CACNA1H: variants seen among roughly 807,000 people sequenced by gnomAD.
CACNA1H encodes voltage-dependent T-type calcium channel subunit alpha-1H.
A neutral mutation model predicts 192.5 loss-of-function variants in CACNA1H; 149 were observed. The observed-to-expected ratio is 0.77, with a 90% CI of 0.68 to 0.89. The LOEUF (loss-of-function observed/expected upper bound fraction) is 0.89. CACNA1H is among the 40% of genes least tolerant of loss of function. CACNA1H has a pLI of 0.00. For missense variants in CACNA1H, 4,257 were observed against 3,423.5 expected (o/e 1.24, Z -6.08); for synonymous variants, 2,202 against 1,475.2 (o/e 1.49, Z -11.29).
intron 2 of CACNA1H, chr16:1,157,908 G>A (rs1380034047): frequency 6.6e-6 from 1 of 152,182 alleles, no homozygotes; most frequent in Non-Finnish European, 1.5e-5. Flanking sequence ...CCCGACCCAC[G>A]GCCCGGCTTC....
At position 1,153,865 on chromosome 16, in the gene CACNA1H, G is replaced by C; in HGVS notation, c.128G>C (p.Gly43Ala). Residue 43 changes from glycine (G) to alanine (A), a missense_variant, in exon 2 of 35, where the codon GGG becomes GCG. Physicochemically the swap from Gly to Ala is moderately conservative, Grantham distance 60 (BLOSUM62 0). Transcript: ENST00000348261. ...PGAPGREAER[G>A]SELGVSPSES... Reference sequence around the variant, plus strand: ...GCGCCGGGACGCGAGGCGGAGCGGGGGTCCGAGCTCGGCGTGTCACCCTCC... The same window carrying C: ...GCGCCGGGACGCGAGGCGGAGCGGGCGTCCGAGCTCGGCGTGTCACCCTCC... 2 of 1,385,716 alleles carry C rather than the reference G, an allele frequency of 1.4e-6. No homozygotes were observed. The highest frequency in any genetic ancestry group is 1.9e-6 in the Non-Finnish European group (2 of 1,066,718). The allele number at this position is 1,385,716 out of a possible 1,614,324, so 85.8% of individuals were successfully genotyped here. A position where few individuals can be genotyped will look rare whatever the true frequency, so the allele number is the denominator to read the frequency against.
intron 27 of CACNA1H, among the ~76,000 whole-genome samples, chr16:1,214,325 C>G (rs1969814732): frequency 6.6e-6 from 1 of 152,234 alleles, no homozygotes; most frequent in South Asian, 2.1e-4. Flanking sequence ...TCCTCCCAGC[C>G]TTTTAGAAGA....
At chr16:1,206,977 A>G in intron 12 of CACNA1H, 24 bp from the exon 13 acceptor site, 1 of 1,242,618 alleles carries the variant, frequency 8.0e-7, no homozygotes, top group South Asian at 1.3e-5. Flanking sequence ...TCCACCCTCA[A>G]CACGCCCCTG....
Position 1,207,058 on chromosome 16 carries a change from C to T in CACNA1H, c.2847C>T (p.Asp949=), listed in dbSNP as rs767775464. ...TCAGCCTGAAGACAGACACCGGAGA[C>T]ACCGTGCCTGACAGGAAGAACTTCG... is the stretch of plus-strand genomic sequence containing the variant. ...CKFSLKTDTG[D]TVPDRKNFDS... Residue 949 remains aspartate (D), a synonymous_variant, in exon 13 of 35, where the codon GAC becomes GAT. Coordinates refer to ENST00000348261, the MANE Select transcript of CACNA1H (RefSeq NM_021098.3). 3 of 1,603,376 alleles carry T rather than the reference C, an allele frequency of 1.9e-6. No individual in the cohort carries two copies. Among genetic ancestry groups the T allele is most frequent in the Non-Finnish European group, 2.6e-6 (3 of 1,175,088 alleles).
At chr16:1,205,586 A>T (rs1173526499) in intron 11 of CACNA1H, among the ~76,000 whole-genome samples, 1 of 152,224 alleles carries the variant, frequency 6.6e-6, no homozygotes, top group Non-Finnish European at 1.5e-5. Context: ...CTCAGGGCCG[A>T]GCGAGAAAGA....
chr16:1,219,171 T>TC lies in CACNA1H; in HGVS notation c.6048+41_6048+42insC, dbSNP rs1567557145. 14 of 1,478,336 alleles carry TC rather than the reference T, an allele frequency of 9.5e-6. No homozygotes were observed. The Admixed American group carries it at 3.2e-4, about 34-fold the overall frequency. 91.6% of individuals were successfully genotyped at this position (1,478,336 alleles called of 1,614,324 possible). A position where few individuals can be genotyped will look rare whatever the true frequency, so the allele number is the denominator to read the frequency against. On this transcript the variant is annotated intron_variant, in intron 34 of 34. Transcript: ENST00000348261. The stretch of plus-strand genomic sequence containing the variant: ...GGCCTGCAGCAGAGGCTGGCGGGGA[T>TC]GGGGGGCTTGCAGGGATGCCTCGTC...
At position 1,220,237 on chromosome 16, in the gene CACNA1H, G is replaced by A. The variant is rs1308675754; in HGVS notation, c.6305G>A (p.Ser2102Asn). Residue 2102 changes from serine to asparagine, a missense_variant, in exon 35 of 35, where the codon AGC (serine) becomes AAC (asparagine). By Grantham distance (46) the Ser-to-Asn change is conservative. Transcript: ENST00000348261. ...TCGGACCCAGCCGACGAGGAGGTCA[G>A]CCACATCACCAGCTCCGCCTGCCCC... ...EASDPADEEVSHITSSACPWQ... is the reference protein window; with the variant it reads ...EASDPADEEVNHITSSACPWQ... 1.3e-6 allele frequency: 2 copies of A among 1,584,852 alleles called. No individual in the cohort carries two copies. The highest frequency in any genetic ancestry group is 1.4e-5 in the African/African-American group (1 of 72,676).
In CACNA1H at chr16:1,214,840, G is replaced by A. The variant is rs1969870745; in HGVS notation, c.4930-132G>A. On this transcript the variant is annotated intron_variant, in intron 27 of 34. Coordinates refer to ENST00000348261, the MANE Select transcript of CACNA1H (RefSeq NM_021098.3). ...GGCCGAAGAGGCTCCCGGTGCCCAGGGAGGAGCTACTGAGCTGACCTGGGA... is the reference window on the plus strand; with the variant it reads ...GGCCGAAGAGGCTCCCGGTGCCCAGAGAGGAGCTACTGAGCTGACCTGGGA... 7.7e-6 allele frequency: 5 copies of A among 653,380 alleles called. No individual in the cohort carries two copies. In the Admixed American group the frequency reaches 9.4e-5, roughly 12 times the overall value. The allele number at this position is 653,380 out of a possible 1,614,324, so 40.5% of individuals were successfully genotyped here.
At position 1,209,673 on chromosome 16, in the gene CACNA1H, C is replaced by T. The variant is rs893246120; in HGVS notation, c.3744+261C>T. Among the ~76,000 whole-genome samples, 10 of 152,202 alleles carry T rather than the reference C, an allele frequency of 6.6e-5. 1 individual carries two copies. The highest frequency in any genetic ancestry group is 2.4e-4 in the African/African-American group (10 of 41,454). On this transcript the variant is annotated intron_variant, in intron 17 of 34. Coordinates refer to ENST00000348261, the MANE Select transcript of CACNA1H (RefSeq NM_021098.3). ...GCCTGCATACGGGGGCTGGGCTCTG[C>T]GCCGTGGGTCAGCCACTGGCCGAGA...
chr16:1,179,316 G>T (rs1965228814), intron 2 of CACNA1H, among the ~76,000 whole-genome samples: 1 of 152,206 alleles, frequency 6.6e-6, no homozygotes, highest in South Asian at 2.1e-4. Flanking sequence ...TCACCAGGCT[G>T]TGGTGGACGG....
chr16:1,165,661 C>T (rs1230633251), intron 2 of CACNA1H, among the ~76,000 whole-genome samples: 2 of 152,320 alleles, frequency 1.3e-5, no homozygotes, highest in East Asian at 1.9e-4. Context: ...AGGCCATTGC[C>T]AGGTGGCTGC....
Position 1,178,235 on chromosome 16 carries a change from G to A in CACNA1H, c.300-16737G>A, listed in dbSNP as rs538385069. Among the ~76,000 whole-genome samples, 391 of 131,834 alleles carry A rather than the reference G, an allele frequency of 3.0e-3. 3 individuals carry two copies. Among genetic ancestry groups the A allele is most frequent in the African/African-American group, 0.011 (359 of 33,868 alleles). The allele number at this position is 131,834 out of a possible 152,430, so 86.5% of individuals were successfully genotyped here. A position where few individuals can be genotyped will look rare whatever the true frequency, so the allele number is the denominator to read the frequency against. ...CGGCTCTGCCTGGGATCCCCCAACG[G>A]GCTCTCCTGCCCCGGCTCCTTGGAT... On this transcript the variant is annotated intron_variant, in intron 2 of 34. Coordinates refer to ENST00000348261, the MANE Select transcript of CACNA1H (RefSeq NM_021098.3).
At chr16:1,210,166 C>T in intron 18 of CACNA1H, 31 bp downstream of exon 18, 1 of 1,515,612 alleles carries the variant, frequency 6.6e-7, no homozygotes, top group Non-Finnish European at 9.0e-7. Context: ...GGCTGCATGG[C>T]TAGTTCCACC....
In CACNA1H at chr16:1,195,419, C is replaced by T. The variant is rs1481054800; in HGVS notation, c.412-13C>T. 4.5e-6 allele frequency: 7 copies of T among 1,550,980 alleles called. No homozygotes were observed. The highest frequency in any genetic ancestry group is 2.4e-5 in the East Asian group (1 of 40,920). On this transcript the variant is annotated splice_polypyrimidine_tract_variant and intron_variant, in intron 3 of 34. Transcript: ENST00000348261. ...AGCTGTTCCACGGGCCCTCCTGATGCCTCCTCCCGCAGGCCTTTGACGCCT... is the reference window on the plus strand; with the variant it reads ...AGCTGTTCCACGGGCCCTCCTGATGTCTCCTCCCGCAGGCCTTTGACGCCT...
At chr16:1,160,639 C>A (rs557653529) in intron 2 of CACNA1H, among the ~76,000 whole-genome samples, 3 of 152,270 alleles carry the variant, frequency 2.0e-5, no homozygotes, top group African/African-American at 4.8e-5. Context: ...ACACTCCTCG[C>A]GGGGCGGAGG....
chr16:1,209,054 G>A lies in CACNA1H; in HGVS notation c.3386G>A (p.Cys1129Tyr). 2 of 1,532,150 alleles carry A rather than the reference G, an allele frequency of 1.3e-6. No homozygotes were observed. Among genetic ancestry groups the A allele is most frequent in the South Asian group, 2.5e-5 (2 of 79,806 alleles). The allele number at this position is 1,532,150 out of a possible 1,614,324, so 94.9% of individuals were successfully genotyped here. ...CAGGCCAGCCTCCGAAGTTCTCCCT[G>A]TGCCCCCTGGGGCCCCAGTGGCGCC... is the stretch of plus-strand genomic sequence containing the variant. Reference protein sequence around the residue: ...KPPASLRSSPCAPWGPSGAWS... With the variant: ...KPPASLRSSPYAPWGPSGAWS... Residue 1129 changes from cysteine to tyrosine, a missense_variant, in exon 17 of 35, where the codon TGT becomes TAT. Coordinates refer to ENST00000348261, the MANE Select transcript of CACNA1H (RefSeq NM_021098.3).
intron 2 of CACNA1H, among the ~76,000 whole-genome samples, chr16:1,161,536 C>T (rs550010189): frequency 2.6e-5 from 4 of 152,284 alleles, no homozygotes; most frequent in Admixed American, 2.0e-4. Context: ...GTGGAGCCTC[C>T]TGGGATTCTG....
At chr16:1,196,597 C>T (rs563647884) in intron 5 of CACNA1H, among the ~76,000 whole-genome samples, 37 of 152,320 alleles carry the variant, frequency 2.4e-4, no homozygotes, top group African/African-American at 7.7e-4. Flanking sequence ...GCTGGGCCTC[C>T]GTGTCCCCTG....
rs192704994 is a variant in CACNA1H at position 1,155,963 on chromosome 16, G to T, written c.299+1927G>T. On this transcript the variant is annotated intron_variant, in intron 2 of 34. Transcript: ENST00000348261. ...GAGTATGCTCTGGTAGCCCGAGAGG[G>T]ACTTGGGTGCTGTCCTGGTCTCGGG... 7.9e-5 allele frequency among the ~76,000 whole-genome samples: 12 copies of T among 152,166 alleles called. No homozygotes were observed. In the East Asian group the frequency reaches 2.3e-3, roughly 29 times the overall value.
Sources: allele counts gnomAD v4.1 joint callset (sites outside exome capture counted in the v4.1 genomes callset), GRCh38; gene constraint gnomAD v4.1.1; transcripts MANE v1.5; gene names NCBI Gene and HGNC (gene_info 2026-07-23, HGNC 2026-07-21).